The following SEC16A variants were observed in gnomAD, a reference collection of about 807,000 sequenced individuals.
SEC16A encodes the protein protein transport protein Sec16A.
A neutral mutation model predicts 221.9 loss-of-function variants in SEC16A; 110 were observed. That is an observed-to-expected ratio of 0.50 (90% CI 0.42 to 0.58). The LOEUF is 0.58. Among genes scored for constraint, SEC16A ranks in the 20% least tolerant of loss-of-function variants. The probability of loss-of-function intolerance (pLI) is 0.00; values close to 1 mark genes in which losing one functional copy is unlikely to be tolerated. For synonymous variants in SEC16A, 1,393 were observed against 1,257.7 expected (o/e 1.11, Z -2.28); for missense variants, 3,165 against 3,097.8 (o/e 1.02, Z -0.52).
rs576555567 is a variant in SEC16A, at chr9:136,463,003, C to T, written c.4777G>A (p.Glu1593Lys). 6.2e-7 allele frequency: 1 copy of T among 1,611,238 alleles called. No individual in the cohort carries two copies. The highest frequency in any genetic ancestry group is 1.3e-5 in the African/African-American group (1 of 74,954). Residue 1593 changes from glutamate (E) to lysine (K), a missense_variant, in exon 12 of 32, where the codon GAG (glutamate) becomes AAG (lysine). By Grantham distance (56) the Glu-to-Lys change is moderately conservative. This residue lies in a region of SEC16A where 1,088 missense variants were observed against 1,089.6 expected (regional missense o/e 1.00). Transcript: ENST00000684901. ...GAGAGCTGGGCCTCACCAGACTCCT[C>T]CTCTTCCACCTGCTCCACTGCCTCA... ...TNEAVEQVEE[E>K]ESGEAQLSFL...
chr9:136,469,526 T>C (rs1159531912), intron 4 of SEC16A, among the ~76,000 whole-genome samples: 1 of 152,114 alleles, frequency 6.6e-6, no homozygotes, highest in African/African-American at 2.4e-5. Context: ...TAGCCAGGCA[T>C]GGTGGCACAC....
intron 20 of SEC16A, among the ~76,000 whole-genome samples, chr9:136,454,975 C>T (rs1454442107): frequency 6.6e-6 from 1 of 152,144 alleles, no homozygotes; most frequent in African/African-American, 2.4e-5. Context: ...CAGGAGGGCT[C>T]AGGGCCAAGC....
intron 4 of SEC16A, 103 bp from the exon 5 acceptor site, chr9:136,468,615 C>T (rs907569764): frequency 4.3e-6 from 3 of 695,286 alleles, no homozygotes; most frequent in South Asian, 1.8e-5. Flanking sequence ...TTCATCAAAG[C>T]ACTTTGGTTG....
Position 136,451,314 on chromosome 9 carries a change from G to T in SEC16A, c.6254C>A (p.Ala2085Asp). The T allele has an allele frequency of 1.2e-6, 2 of 1,613,638 alleles. No homozygotes were observed. The highest frequency in any genetic ancestry group is 2.2e-5 in the South Asian group (2 of 91,002). The part of the protein sequence containing the change: ...PTQPPLSLSP[A>D]PETKRPGQAA... ...CTGTCCGGGTCTCTTTGTTTCGGGA[G>T]CGGGTGAGAGAGACAGAGGTGGCTG... Residue 2085 changes from alanine to aspartate, a missense_variant, in exon 23 of 32, where the codon GCT becomes GAT. Around this residue, in one of 3 missense-constraint regions of SEC16A, gnomAD observed 1,088 missense variants for 1,089.6 expected, o/e 1.00. Coordinates refer to ENST00000684901, the MANE Select transcript of SEC16A (RefSeq NM_014866.2).
intron 3 of SEC16A, 69 bp from the exon 4 acceptor site, chr9:136,472,180 AG>A: frequency 6.3e-7 from 1 of 1,585,558 alleles, no homozygotes; most frequent in Non-Finnish European, 8.6e-7. Context: ...AGCCAGCCTG[AG>A]CTGGAAACAT....
At chr9:136,467,144 T>C (rs188544930) in intron 5 of SEC16A, 61 bp from the exon 6 acceptor site, 58 of 1,596,184 alleles carry the variant, frequency 3.6e-5, no homozygotes, top group African/African-American at 3.4e-4. Flanking sequence ...GCCTCAGATA[T>C]CACTAAAGAA....
At position 136,469,354 on chromosome 9, in the gene SEC16A, AG is replaced by A. The variant is rs1840571037; in HGVS notation, c.3705-843del. ...TCAGATTCCTACACGTGCCCCAGAA[AG>A]GCTGGTTTTGTAGACCAAGCCATGA... On this transcript the variant is annotated intron_variant, in intron 4 of 31. Coordinates refer to ENST00000684901, the MANE Select transcript of SEC16A (RefSeq NM_014866.2). Among the ~76,000 whole-genome samples the A allele has an allele frequency of 2.0e-5, 3 of 152,316 alleles. No homozygotes were observed. The South Asian group carries it at 6.2e-4, about 32-fold the overall frequency.
Position 136,476,767 on chromosome 9 carries a change from C to T in SEC16A, c.849G>A (p.Val283=). The T allele has an allele frequency of 6.2e-7, 1 of 1,611,116 alleles. No homozygotes were observed. Reference sequence around the variant, plus strand: ...GGTGGCTTCCACTTTGCAAGTGGCTCACCTCGTCTCTTCCGTCACTGGGCA... The same window carrying T: ...GGTGGCTTCCACTTTGCAAGTGGCTTACCTCGTCTCTTCCGTCACTGGGCA... ...AALPSDGRDE[V]SHLQSGSHLA... Residue 283 remains valine, a synonymous_variant, in exon 3 of 32, where the codon GTG becomes GTA. Transcript: ENST00000684901.
Position 136,459,609 on chromosome 9 carries a change from C to T in SEC16A, c.5192-54G>A. ...GGGGCTCAGCGACCGGGAGCGCTTG[C>T]AGAAGTCAAGGACGCGCACAGAAGG... On this transcript the variant is annotated intron_variant, in intron 15 of 31. Coordinates refer to ENST00000684901, the MANE Select transcript of SEC16A (RefSeq NM_014866.2). The surrounding 1 kb of genome is among the most constrained non-coding windows in gnomAD (Gnocchi z 6.1). 1 of 1,462,640 alleles carries T rather than the reference C, an allele frequency of 6.8e-7. No individual in the cohort carries two copies. Among genetic ancestry groups the T allele is most frequent in the South Asian group, 1.2e-5 (1 of 81,994 alleles). The allele number at this position is 1,462,640 out of a possible 1,614,324, so 90.6% of individuals were successfully genotyped here. A position where few individuals can be genotyped will look rare whatever the true frequency, so the allele number is the denominator to read the frequency against.
rs371250531 is a variant in SEC16A, at chr9:136,472,963, C to T, written c.3568-852G>A. ...GAGGCCACGGCTTCCCGTCGCTCTG[C>T]ACCAGCCCCACCCCAGGGCTCCCAG... On this transcript the variant is annotated intron_variant, in intron 3 of 31. Transcript: ENST00000684901. 2.6e-5 allele frequency among the ~76,000 whole-genome samples: 4 copies of T among 152,266 alleles called. No individual in the cohort carries two copies. In the East Asian group the frequency reaches 5.8e-4, roughly 22 times the overall value.
At chr9:136,480,054 AG>A (rs376549781) in intron 1 of SEC16A, among the ~76,000 whole-genome samples, 176 of 152,316 alleles carry the variant, frequency 1.2e-3, no homozygotes, top group African/African-American at 3.6e-3. Flanking sequence ...GCTATTTACT[AG>A]GAACAGCAGC....
chr9:136,474,086 T>C lies in SEC16A; in HGVS notation c.3530A>G (p.Tyr1177Cys), dbSNP rs1841278636. The C allele has an allele frequency of 1.9e-6, 3 of 1,611,882 alleles. No homozygotes were observed. Among genetic ancestry groups the C allele is most frequent in the South Asian group, 1.1e-5 (1 of 90,958 alleles). The change falls in exon 3 of 32, where the codon TAC becomes TGC. Residue 1177 changes from tyrosine to cysteine, a missense_variant. By Grantham distance (194) the Tyr-to-Cys change is radical (BLOSUM62 -2). Transcript: ENST00000684901. The part of the protein sequence containing the change: ...DAYQPQYSLP[Y>C]PPEPGAASLY... ...GGAGGCTGCGCCAGGCTCCGGTGGGTACGGCAAAGAGTACTGAGGCTGGTA... is the reference window on the plus strand; with the variant it reads ...GGAGGCTGCGCCAGGCTCCGGTGGGCACGGCAAAGAGTACTGAGGCTGGTA...
intron 8 of SEC16A, 113 bp from the exon 9 acceptor site, chr9:136,464,675 G>T: frequency 1.1e-6 from 1 of 936,828 alleles, no homozygotes; most frequent in Non-Finnish European, 1.6e-6. Context: ...TATCACGACA[G>T]ACTTCCAACT....
chr9:136,475,510 T>TGGATACACAG lies in SEC16A; in HGVS notation c.2096_2105dup (p.Ala703CysfsTer20). On this transcript the variant is annotated frameshift_variant, in exon 3 of 32. Coordinates refer to ENST00000684901, the MANE Select transcript of SEC16A (RefSeq NM_014866.2). LOFTEE classifies it high-confidence loss of function. This position sits in a 1 kb window ranked among gnomAD's most constrained non-coding sequence, Gnocchi z 5.0. Reference sequence around the variant, plus strand: ...TGGCTGAAGGCCTCTTCTCGGGTGCTGGATACACAGTATCCAAGGGCGGTG... The same window carrying TGGATACACAG: ...TGGCTGAAGGCCTCTTCTCGGGTGCTGGATACACAGGGATACACAGTATCCAAGGGCGGTG... The TGGATACACAG allele has an allele frequency of 6.2e-7, 1 of 1,611,178 alleles. No homozygotes were observed.
chr9:136,483,130 T>C (rs1842630558), upstream of SEC16A: 5 of 557,260 alleles, frequency 9.0e-6, no homozygotes, highest in Non-Finnish European at 1.1e-5. Context: ...CCTCGGCTCG[T>C]CGGCCCAGAC....
At chr9:136,473,088 C>T (rs901543286) in intron 3 of SEC16A, among the ~76,000 whole-genome samples, 1 of 152,384 alleles carries the variant, frequency 6.6e-6, no homozygotes, top group South Asian at 2.1e-4. Context: ...CACACGCACA[C>T]AAACCATGAT....
chr9:136,466,939 CA>C lies in SEC16A; in HGVS notation c.3929+17del, dbSNP rs1312108216. On this transcript the variant is annotated intron_variant, in intron 6 of 31. Transcript: ENST00000684901. The surrounding 1 kb of genome is among the most constrained non-coding windows in gnomAD (Gnocchi z 5.5). The stretch of plus-strand genomic sequence containing the variant: ...TGGCTGCCCCCAGCCTCTGCCTCCC[CA>C]GGGGTGCTCCACCAACCTGTCCCCG... 6 of 1,609,028 alleles carry C rather than the reference CA, an allele frequency of 3.7e-6. No homozygotes were observed. The highest frequency in any genetic ancestry group is 5.1e-6 in the Non-Finnish European group (6 of 1,178,074).
upstream of SEC16A, chr9:136,484,485 G>A (rs780694116): frequency 1.6e-6 from 2 of 1,219,814 alleles, no homozygotes; most frequent in Non-Finnish European, 2.1e-6. Context: ...TGCCTGGCAA[G>A]GGCAGGGAAG....
In SEC16A at chr9:136,455,403, T is replaced by C. The variant is rs371658048; in HGVS notation, c.5857+198A>G. ...TGGAAAGCCATGAGCCTCCCCTCCA[T>C]GGGCTCCTCAGGGGAGGAAGCATGA... is the stretch of plus-strand genomic sequence containing the variant. On this transcript the variant is annotated intron_variant, in intron 20 of 31. Transcript: ENST00000684901. Among the ~76,000 whole-genome samples, 53 of 152,202 alleles carry C rather than the reference T, an allele frequency of 3.5e-4. No individual in the cohort carries two copies. In the East Asian group the frequency reaches 6.0e-3, roughly 17 times the overall value.
Sources: gnomAD v4.1 joint callset for allele counts (sites outside exome capture counted in the v4.1 genomes callset) on GRCh38, gnomAD v4.1.1 for gene constraint, gnomAD v4.1.1 regional missense constraint, Gnocchi (gnomAD v3.1) non-coding constraint, MANE v1.5 for transcripts, NCBI Gene and HGNC (gene_info 2026-07-23, HGNC 2026-07-21) for gene names.